Variants in HTR4 observed in about 807,000 individuals in gnomAD.
HTR4 encodes 5-hydroxytryptamine receptor 4, also known as 5-hydroxytryptamine (serotonin) receptor 4, G protein-coupled.
Under a neutral mutation model 36.8 loss-of-function variants are expected in HTR4, and 16 were observed. The observed-to-expected ratio is 0.43, with a 90% confidence interval of 0.29 to 0.66. The LOEUF is 0.66. Ranked by LOEUF, HTR4 falls within the 30% of genes least tolerant of loss-of-function variation. HTR4 has a pLI of 0.13. For missense variants in HTR4, 438 were observed against 490.9 expected (o/e 0.89, Z 1.02); for synonymous variants, 189 against 185.1 (o/e 1.02, Z -0.17).
intron 6 of HTR4, among the ~76,000 whole-genome samples, chr5:148,488,555 T>G (rs532318628): frequency 4.6e-5 from 7 of 152,110 alleles, no homozygotes; most frequent in African/African-American, 1.7e-4. Flanking sequence ...TAAAGAAAAA[T>G]AGTAAATAAA....
chr5:148,525,790 G>A (rs964042024), intron 4 of HTR4, among the ~76,000 whole-genome samples: 1 of 152,118 alleles, frequency 6.6e-6, no homozygotes, highest in African/African-American at 2.4e-5. Context: ...AAGATATGTT[G>A]AATTCCCAAC....
rs373299287 is a variant in HTR4, at chr5:148,482,429, G to T, written c.*774C>A. On this transcript the variant is annotated 3_prime_UTR_variant, in exon 7 of 7. Coordinates refer to ENST00000377888, the MANE Select transcript of HTR4 (RefSeq NM_000870.7). ...TCAGGGCAGACACGCCAGCGGCCAGGACACCAGGAGGAAGCTATCTGTCTT... is the reference window on the plus strand; with the variant it reads ...TCAGGGCAGACACGCCAGCGGCCAGTACACCAGGAGGAAGCTATCTGTCTT... 1 of 985,626 alleles carries T rather than the reference G, an allele frequency of 1.0e-6. No individual in the cohort carries two copies. Among genetic ancestry groups the T allele is most frequent in the Non-Finnish European group, 1.2e-6 (1 of 830,112 alleles). The allele number at this position is 985,626 out of a possible 1,614,324, so 61.1% of individuals were successfully genotyped here.
intron 2 of HTR4, among the ~76,000 whole-genome samples, chr5:148,609,396 G>A (rs1467433403): frequency 2.0e-5 from 3 of 152,102 alleles, no homozygotes; most frequent in African/African-American, 7.2e-5. Flanking sequence ...TAATTCTGGT[G>A]ATCAAGGATA....
At chr5:148,531,127 T>C (rs1372941617) in intron 4 of HTR4, among the ~76,000 whole-genome samples, 1 of 152,218 alleles carries the variant, frequency 6.6e-6, no homozygotes. Context: ...ACTTTTGATT[T>C]AATACCAAAA....
chr5:148,551,374 C>T (rs889770439), intron 2 of HTR4, among the ~76,000 whole-genome samples: 1 of 152,166 alleles, frequency 6.6e-6, no homozygotes, highest in African/African-American at 2.4e-5. Flanking sequence ...TTTCACCACC[C>T]TGATCATTTC....
intron 2 of HTR4, among the ~76,000 whole-genome samples, chr5:148,593,587 A>G (rs1471639914): frequency 6.6e-6 from 1 of 152,062 alleles, no homozygotes; most frequent in Non-Finnish European, 1.5e-5. Flanking sequence ...CTTTGATCTC[A>G]TACCTGAAAT....
chr5:148,645,785 T>C (rs1187132853), intron 1 of HTR4: 1 of 152,188 alleles, frequency 6.6e-6, no homozygotes, highest in African/African-American at 2.4e-5. Context: ...CATTGCAGGG[T>C]AGATATTTCC....
At chr5:148,546,102 A>G (rs115852630) in intron 4 of HTR4, among the ~76,000 whole-genome samples, 1,591 of 152,288 alleles carry the variant, frequency 0.01, 6 homozygotes, top group Non-Finnish European at 0.015. Flanking sequence ...CTGCTATCAG[A>G]ATAACTACCT....
intron 2 of HTR4, among the ~76,000 whole-genome samples, chr5:148,607,532 G>A (rs761946194): frequency 3.4e-4 from 51 of 152,008 alleles, no homozygotes; most frequent in Non-Finnish European, 7.5e-4. Flanking sequence ...TCCTAAGAAG[G>A]CCCCAACTCA....
intron 2 of HTR4, among the ~76,000 whole-genome samples, chr5:148,615,532 G>T (rs926382713): frequency 2.6e-5 from 3 of 115,620 alleles, no homozygotes; most frequent in Admixed American, 1.0e-4. Context: ...GACTGTTGTG[G>T]GGTGGGGGGA....
intron 4 of HTR4, among the ~76,000 whole-genome samples, chr5:148,530,483 C>T (rs2113811237): frequency 6.6e-6 from 1 of 152,240 alleles, no homozygotes; most frequent in Middle Eastern, 3.4e-3. Flanking sequence ...TGCGAGTACA[C>T]AGAAGTCAAG....
chr5:148,516,388 C>T (rs886167836), intron 5 of HTR4, among the ~76,000 whole-genome samples: 35 of 138,472 alleles, frequency 2.5e-4, no homozygotes, highest in African/African-American at 8.4e-4. Context: ...GGCACAATCT[C>T]GGCTCACTGC....
chr5:148,634,359 C>T (rs1387712293), intron 2 of HTR4, among the ~76,000 whole-genome samples: 1 of 152,176 alleles, frequency 6.6e-6, no homozygotes, highest in Non-Finnish European at 1.5e-5. Flanking sequence ...GACCCACACA[C>T]AAACATTCAC....
At chr5:148,470,410 C>T (rs1755534947) in intron 5 of HTR4, among the ~76,000 whole-genome samples, 1 of 152,236 alleles carries the variant, frequency 6.6e-6, no homozygotes, top group Admixed American at 6.5e-5. Context: ...GATTCAAATG[C>T]AGGCATTCTG....
At chr5:148,531,019 C>A (rs1045622552) in intron 4 of HTR4, among the ~76,000 whole-genome samples, 1 of 152,196 alleles carries the variant, frequency 6.6e-6, no homozygotes, top group Non-Finnish European at 1.5e-5. Flanking sequence ...AATGCCTATA[C>A]CCTCATTTTA....
At chr5:148,473,746 C>G (rs537568952), downstream of HTR4, among the ~76,000 whole-genome samples, 1 of 152,138 alleles carries the variant, frequency 6.6e-6, no homozygotes, top group Admixed American at 6.5e-5. Flanking sequence ...GCATCTGTTT[C>G]ATGAGAAAGC....
intron 5 of HTR4, among the ~76,000 whole-genome samples, chr5:148,464,333 A>G (rs1261999685): frequency 6.6e-6 from 1 of 152,212 alleles, no homozygotes; most frequent in Non-Finnish European, 1.5e-5. Context: ...TGCAAAAGAC[A>G]TACCTGATAC....
At chr5:148,592,289 C>A (rs2127259427) in intron 2 of HTR4, among the ~76,000 whole-genome samples, 1 of 152,158 alleles carries the variant, frequency 6.6e-6, no homozygotes, top group African/African-American at 2.4e-5. Flanking sequence ...GGGTACTGGG[C>A]TTAATTACTA....
At chr5:148,533,011 A>G (rs1758651007) in intron 4 of HTR4, among the ~76,000 whole-genome samples, 1 of 152,220 alleles carries the variant, frequency 6.6e-6, no homozygotes, top group Non-Finnish European at 1.5e-5. Context: ...AAGATTTTTA[A>G]GCTGGAAAAC....
Sources: allele counts gnomAD v4.1 joint callset (sites outside exome capture counted in the v4.1 genomes callset), GRCh38; gene constraint gnomAD v4.1.1; transcripts MANE v1.5; gene names NCBI Gene and HGNC (gene_info 2026-07-23, HGNC 2026-07-21).